Variants in SGCA observed in about 807,000 individuals in gnomAD.
SGCA encodes sarcoglycan alpha.
SGCA carries 34 observed loss-of-function variants against 38.1 expected under a neutral mutation model. The observed-to-expected ratio is 0.89, with a 90% CI of 0.68 to 1.19. SGCA has a LOEUF of 1.19. SGCA is among the 50% of genes most tolerant of loss of function. The probability of loss-of-function intolerance (pLI) is 0.00; values close to 1 mark genes in which losing one functional copy is unlikely to be tolerated. For missense variants in SGCA, 476 were observed against 524.9 expected (o/e 0.91, Z 0.91); for synonymous variants, 209 against 214.6 (o/e 0.97, Z 0.23).
At position 50,167,648 on chromosome 17, in the gene SGCA, G is replaced by C; in HGVS notation, c.224G>C (p.Trp75Ser). 1 of 1,613,890 alleles carries C rather than the reference G, an allele frequency of 6.2e-7. No individual in the cohort carries two copies. The highest frequency in any genetic ancestry group is 8.5e-7 in the Non-Finnish European group (1 of 1,179,982). Residue 75 changes from tryptophan to serine, a missense_variant, in exon 3 of 10, where the codon TGG becomes TCG. By Grantham distance (177) the Trp-to-Ser change is radical. Transcript: ENST00000262018. This position sits in a 1 kb window ranked among gnomAD's most constrained non-coding sequence, Gnocchi z 4.5. ...HLQGHPDLPRWLRYTQRSPHH... is the reference protein window; with the variant it reads ...HLQGHPDLPRSLRYTQRSPHH... ...CAGGGACACCCAGACCTGCCCCGGT[G>C]GCTCCGCTACACCCAGCGCAGCCCC... is the stretch of plus-strand genomic sequence containing the variant.
chr17:50,170,579 C>T (rs746492509), intron 7 of SGCA, 61 bp from the exon 8 acceptor site: 5 of 1,529,956 alleles, frequency 3.3e-6, no homozygotes, highest in African/African-American at 1.4e-5. Flanking sequence ...ACATTGGAGC[C>T]CTGGGGCACC....
intron 1 of SGCA, 39 bp downstream of exon 1, chr17:50,166,116 AG>A (rs773599406): frequency 6.4e-7 from 1 of 1,563,756 alleles, no homozygotes; most frequent in Non-Finnish European, 8.8e-7. Context: ...GCCCAGGATG[AG>A]GGGGCAGGAT....
At chr17:50,169,275 CG>C in intron 6 of SGCA, 21 bp downstream of exon 6, 1 of 1,599,558 alleles carries the variant, frequency 6.3e-7, no homozygotes. Context: ...ACCCTGGGTC[CG>C]GGGGTGGGGT....
At chr17:50,170,703 A>C in intron 8 of SGCA, 37 bp downstream of exon 8, 4 of 1,542,224 alleles carry the variant, frequency 2.6e-6, no homozygotes, top group Non-Finnish European at 3.5e-6. Flanking sequence ...GTGGGAGCCC[A>C]CCTAGACAGT....
rs977838408 is a variant in SGCA, at chr17:50,168,138, G to C, written c.385+119G>C. ...GAGAGGAGTGGAGCAGGGCATCCTG[G>C]AAAGTGGGGACAAGGCTCTCAGGGA... On this transcript the variant is annotated intron_variant, in intron 4 of 9. Transcript: ENST00000262018. The C allele has an allele frequency of 9.1e-6, 9 of 992,218 alleles. No homozygotes were observed. In the African/African-American group the frequency reaches 1.3e-4, roughly 14 times the overall value. The allele number at this position is 992,218 out of a possible 1,614,324, so 61.5% of individuals were successfully genotyped here. A position where few individuals can be genotyped will look rare whatever the true frequency, so the allele number is the denominator to read the frequency against.
Position 50,166,073 on chromosome 17 carries a change from C to T in SGCA, c.33C>T (p.Leu11=), listed in dbSNP as rs762704751. The change falls in exon 1 of 10, where the codon CTC becomes CTT. Residue 11 remains leucine (L), a synonymous_variant. Transcript: ENST00000262018. MAETLFWTPL[L]VVLLAGLGDT... Reference sequence around the variant, plus strand: ...AGACACTCTTCTGGACTCCTCTCCTCGTGGGCAAGTTGGGGCCTTGTTCAG... The same window carrying T: ...AGACACTCTTCTGGACTCCTCTCCTTGTGGGCAAGTTGGGGCCTTGTTCAG... 3.1e-6 allele frequency: 5 copies of T among 1,613,270 alleles called. No individual in the cohort carries two copies. In the South Asian group the frequency reaches 3.3e-5, roughly 11 times the overall value.
rs1451369268 is a variant in SGCA at position 50,167,444 on chromosome 17, C to T, written c.114C>T (p.His38=). The change falls in exon 2 of 10, where the codon CAC becomes CAT. Residue 38 remains histidine (H), a synonymous_variant. Transcript: ENST00000262018. This position sits in a 1 kb window ranked among gnomAD's most constrained non-coding sequence, Gnocchi z 4.5. ...LHPLVGRVFV[H]TLDHETFLSL... The stretch of plus-strand genomic sequence containing the variant: ...CACTTGTGGGCCGTGTCTTTGTGCA[C>T]ACCTTGGACCATGAGACGTTTCTGA... 3.7e-6 allele frequency: 6 copies of T among 1,614,202 alleles called. No homozygotes were observed. Among genetic ancestry groups the T allele is most frequent in the Non-Finnish European group, 5.1e-6 (6 of 1,180,040 alleles).
chr17:50,171,744 C>A (rs756405185), intron 8 of SGCA: 1 of 456,840 alleles, frequency 2.2e-6, no homozygotes, highest in Non-Finnish European at 4.4e-6. Flanking sequence ...TCCACCAGCC[C>A]CTTGAGCACA....
At position 50,172,437 on chromosome 17, in the gene SGCA, G is replaced by A. The variant is rs112555099; in HGVS notation, c.983+1771G>A. 204 of 379,008 alleles carry A rather than the reference G, an allele frequency of 5.4e-4. 2 individuals carry two copies. The highest frequency in any genetic ancestry group is 3.8e-3 in the African/African-American group (183 of 47,890). 23.5% of individuals were successfully genotyped at this position (379,008 alleles called of 1,614,324 possible). On this transcript the variant is annotated intron_variant, in intron 8 of 9. Coordinates refer to ENST00000262018, the MANE Select transcript of SGCA (RefSeq NM_000023.4). The stretch of plus-strand genomic sequence containing the variant: ...GCCAGACAGCGGGCCTGCACGGTGC[G>A]TGCACATATGCATGTGTGTGTGCAC...
chr17:50,171,454 C>T (rs1182757754), intron 8 of SGCA: 2 of 455,772 alleles, frequency 4.4e-6, no homozygotes, highest in East Asian at 7.0e-5. Context: ...CCTTTTATTC[C>T]CACTGCACTG....
chr17:50,166,032 C>G lies in SGCA; in HGVS notation c.-9C>G, dbSNP rs774714920. 2 of 1,612,858 alleles carry G rather than the reference C, an allele frequency of 1.2e-6. No individual in the cohort carries two copies. On this transcript the variant is annotated 5_prime_UTR_variant, in exon 1 of 10. Coordinates refer to ENST00000262018, the MANE Select transcript of SGCA (RefSeq NM_000023.4). ...CTGTCACTCACCGGGCGGGCCAGGC[C>G]GGGCAGCCATGGCTGAGACACTCTT...
Position 50,175,834 on chromosome 17 carries a change from G to A in SGCA, c.*135G>A, listed in dbSNP as rs748609295. On this transcript the variant is annotated 3_prime_UTR_variant, in exon 10 of 10. Transcript: ENST00000262018. The stretch of plus-strand genomic sequence containing the variant: ...CCCAGGCTCTAAACAAGCAGGGAGA[G>A]GGGGTGGGGTGGGGTGAGAGTGTGT... 6.3e-6 allele frequency: 3 copies of A among 476,956 alleles called. No individual in the cohort carries two copies. Among genetic ancestry groups the A allele is most frequent in the South Asian group, 4.6e-5 (3 of 64,732 alleles). 29.5% of individuals were successfully genotyped at this position (476,956 alleles called of 1,614,324 possible).
chr17:50,171,393 C>G (rs1905378481), intron 8 of SGCA: 1 of 409,562 alleles, frequency 2.4e-6, no homozygotes, highest in Admixed American at 2.6e-5. Flanking sequence ...CTTCCTCTCC[C>G]AATACCCTGA....
At chr17:50,169,445 A>ACACACCC (rs369628436) in intron 6 of SGCA, 191 bp downstream of exon 6, 1 of 574,608 alleles carries the variant, frequency 1.7e-6, no homozygotes, top group African/African-American at 1.9e-5. Context: ...ACACACACAC[A>ACACACCC]CCCCTGAAGT....
At chr17:50,175,212 G>A (rs1359953705) in intron 8 of SGCA, 45 bp from the exon 9 acceptor site, 1 of 1,555,164 alleles carries the variant, frequency 6.4e-7, no homozygotes, top group African/African-American at 1.4e-5. Context: ...TGTACTCCAG[G>A]GCAGCTGACT....
At position 50,175,287 on chromosome 17, in the gene SGCA, C is replaced by A; in HGVS notation, c.1014C>A (p.His338Gln). Reference sequence around the variant, plus strand: ...AGATGGTCCACCACTGCACCATCCACGGGAACACAGAGGAGCTGCGGCAGA... The same window carrying A: ...AGATGGTCCACCACTGCACCATCCAAGGGAACACAGAGGAGCTGCGGCAGA... ...DIQMVHHCTI[H>Q]GNTEELRQMA... The change falls in exon 9 of 10, where the codon CAC (histidine) becomes CAA (glutamine). Residue 338 changes from histidine (H) to glutamine (Q), a missense_variant. Physicochemically the swap from His to Gln is conservative, Grantham distance 24. Coordinates refer to ENST00000262018, the MANE Select transcript of SGCA (RefSeq NM_000023.4). 6.2e-7 allele frequency: 1 copy of A among 1,607,770 alleles called. No homozygotes were observed. The highest frequency in any genetic ancestry group is 8.5e-7 in the Non-Finnish European group (1 of 1,177,740).
At chr17:50,169,454 G>A (rs1905201338) in intron 6 of SGCA, 200 bp downstream of exon 6, 2 of 473,554 alleles carry the variant, frequency 4.2e-6, no homozygotes, top group South Asian at 2.8e-5. Context: ...CACCCCTGAA[G>A]TTCTACCTTT....
chr17:50,175,466 A>G lies in SGCA; in HGVS notation c.*12+17A>G. 1 of 1,601,678 alleles carries G rather than the reference A, an allele frequency of 6.2e-7. No individual in the cohort carries two copies. The highest frequency in any genetic ancestry group is 8.5e-7 in the Non-Finnish European group (1 of 1,170,744). On this transcript the variant is annotated intron_variant, in intron 9 of 9. Transcript: ENST00000262018. The stretch of plus-strand genomic sequence containing the variant: ...CCTAGCCAGGTAGGTCTGGTGGGTG[A>G]TGCCAGCCTTATTTCTGGGAACAAG...
intron 4 of SGCA, 96 bp from the exon 5 acceptor site, chr17:50,168,278 A>AGG (rs1256473631): frequency 9.3e-7 from 1 of 1,080,846 alleles, no homozygotes; most frequent in East Asian, 2.6e-5. Context: ...AGGGGCCTGA[A>AGG]GGGGTGTGCA....
Sources: gnomAD v4.1 joint callset for allele counts on GRCh38, gnomAD v4.1.1 for gene constraint, Gnocchi (gnomAD v3.1) non-coding constraint, MANE v1.5 for transcripts, NCBI Gene and HGNC (gene_info 2026-07-23, HGNC 2026-07-21) for gene names.